SEMA6D: variants seen among roughly 807,000 people sequenced by gnomAD.
SEMA6D encodes semaphorin 6D.
SEMA6D carries 35 observed loss-of-function variants against 106.6 expected under a neutral mutation model. The observed-to-expected ratio is 0.33, with a 90% CI of 0.25 to 0.44. The LOEUF (loss-of-function observed/expected upper bound fraction) is 0.44, where lower values mean the gene tolerates loss of function less well. Among genes scored for constraint, SEMA6D ranks in the 20% least tolerant of loss-of-function variants. The pLI is 1.00. For synonymous variants in SEMA6D, 499 were observed against 487.7 expected, an observed-to-expected ratio of 1.02 and a Z score of -0.31; for missense variants, 1,185 against 1,345.9, an observed-to-expected ratio of 0.88 and a Z score of 1.87.
chr15:47,484,196 A>T (rs1193843338), intron 3 of SEMA6D, among the ~76,000 whole-genome samples: 1 of 152,158 alleles, frequency 6.6e-6, no homozygotes, highest in Non-Finnish European at 1.5e-5. Context: ...CTGTGGCAGC[A>T]GGAAGGGTAT....
intron 4 of SEMA6D, chr15:47,603,977 T>A (rs1270213085): frequency 6.6e-6 from 1 of 152,160 alleles, no homozygotes; most frequent in East Asian, 1.9e-4. Context: ...CCTCTTTTGT[T>A]TTCCTCCCAT....
At chr15:47,311,134 C>G (rs902177132) in intron 1 of SEMA6D, among the ~76,000 whole-genome samples, 2 of 152,152 alleles carry the variant, frequency 1.3e-5, no homozygotes, top group African/African-American at 4.8e-5. Flanking sequence ...CAGATCAACC[C>G]AAGGAGACTG....
At chr15:47,334,307 T>A (rs1404399085) in intron 1 of SEMA6D, among the ~76,000 whole-genome samples, 1 of 152,158 alleles carries the variant, frequency 6.6e-6, no homozygotes, top group South Asian at 2.1e-4. Flanking sequence ...CTGAGTTCTG[T>A]GAGCCACTCC....
At chr15:47,411,205 C>T (rs1012844231) in intron 1 of SEMA6D, among the ~76,000 whole-genome samples, 4 of 152,234 alleles carry the variant, frequency 2.6e-5, no homozygotes, top group East Asian at 1.9e-4. Flanking sequence ...AAGCGATTCT[C>T]TTGCCTCAGC....
chr15:47,293,764 T>C (rs1272788755), intron 1 of SEMA6D, among the ~76,000 whole-genome samples: 1 of 152,238 alleles, frequency 6.6e-6, no homozygotes, highest in African/African-American at 2.4e-5. Context: ...AGCACGTGTA[T>C]GTAGTTATTA....
At chr15:47,367,749 G>A (rs892096137) in intron 1 of SEMA6D, among the ~76,000 whole-genome samples, 1 of 151,436 alleles carries the variant, frequency 6.6e-6, no homozygotes, top group East Asian at 1.9e-4. Context: ...AAGAGAGAGA[G>A]AGTTTAATAC....
chr15:47,751,942 G>A (rs924579999), intron 1 of SEMA6D, among the ~76,000 whole-genome samples: 2 of 152,200 alleles, frequency 1.3e-5, no homozygotes, highest in Admixed American at 6.5e-5. Flanking sequence ...AGAGGGAAAG[G>A]AGGAGCGAGG....
chr15:47,431,602 T>A (rs971812837), intron 2 of SEMA6D, among the ~76,000 whole-genome samples: 1 of 152,124 alleles, frequency 6.6e-6, no homozygotes, highest in African/African-American at 2.4e-5. Flanking sequence ...CTGGCAGAAC[T>A]GCCACTATGG....
At chr15:47,185,713 CCG>C (rs1187001674) in intron 1 of SEMA6D, 2 of 152,124 alleles carry the variant, frequency 1.3e-5, no homozygotes, top group Non-Finnish European at 2.9e-5. Context: ...TCAGAGGGAG[CCG>C]GTTATCCTCA....
Position 47,766,612 on chromosome 15 carries a change from A to G in SEMA6D, c.1647-4A>G. The G allele has an allele frequency of 6.2e-7, 1 of 1,612,604 alleles. No individual in the cohort carries two copies. On this transcript the variant is annotated splice_polypyrimidine_tract_variant and splice_region_variant and intron_variant, in intron 15 of 18. Coordinates refer to ENST00000536845, the MANE Select transcript of SEMA6D (RefSeq NM_001358351.3). ...GAAGACTTCTTTGCTTTCCATAACC[A>G]CAGTGCTGAAGGATATGAACAAGAC... is the stretch of plus-strand genomic sequence containing the variant.
chr15:47,220,980 A>C (rs2031143794), intron 1 of SEMA6D, among the ~76,000 whole-genome samples: 2 of 152,244 alleles, frequency 1.3e-5, no homozygotes, highest in South Asian at 4.2e-4. Context: ...GTCTGGGAAA[A>C]CCTGCCCTAA....
chr15:47,199,577 T>G (rs902678478), intron 1 of SEMA6D, among the ~76,000 whole-genome samples: 2 of 152,132 alleles, frequency 1.3e-5, no homozygotes, highest in African/African-American at 4.8e-5. Context: ...TTTCTGCAAT[T>G]CCTTCCAAAA....
intron 4 of SEMA6D, among the ~76,000 whole-genome samples, chr15:47,620,818 T>C (rs560916260): frequency 6.6e-6 from 1 of 151,960 alleles, no homozygotes; most frequent in Non-Finnish European, 1.5e-5. Context: ...GCTACTCATC[T>C]CTCCAATGTG....
chr15:47,474,470 G>A (rs1352518735), intron 3 of SEMA6D, among the ~76,000 whole-genome samples: 3 of 152,136 alleles, frequency 2.0e-5, no homozygotes, highest in Non-Finnish European at 2.9e-5. Flanking sequence ...AGGGTATGTG[G>A]CATTAAGTCT....
At chr15:47,406,138 AT>A (rs924076091) in intron 1 of SEMA6D, among the ~76,000 whole-genome samples, 2 of 152,224 alleles carry the variant, frequency 1.3e-5, no homozygotes, top group African/African-American at 4.8e-5. Context: ...GAGTGTGCAA[AT>A]TATCTCTCAT....
chr15:47,591,367 A>G (rs576266027), intron 3 of SEMA6D, among the ~76,000 whole-genome samples: 2 of 152,244 alleles, frequency 1.3e-5, no homozygotes, highest in South Asian at 2.1e-4. Flanking sequence ...CAGTAGCACA[A>G]CTGAAGGCTC....
At chr15:47,327,884 C>T (rs372273968) in intron 1 of SEMA6D, among the ~76,000 whole-genome samples, 127 of 152,250 alleles carry the variant, frequency 8.3e-4, no homozygotes, top group African/African-American at 2.9e-3. Flanking sequence ...TACTAAATGC[C>T]AGGATCAAGG....
chr15:47,624,314 T>C (rs967605642), intron 4 of SEMA6D, among the ~76,000 whole-genome samples: 10 of 152,196 alleles, frequency 6.6e-5, no homozygotes, highest in African/African-American at 2.2e-4. Flanking sequence ...CTCACACTTA[T>C]TCTACTGCCT....
At chr15:47,578,000 A>C (rs542214606) in intron 3 of SEMA6D, among the ~76,000 whole-genome samples, 38 of 152,330 alleles carry the variant, frequency 2.5e-4, no homozygotes, top group Middle Eastern at 3.4e-3. Context: ...ACCTTTATAG[A>C]TAGTAACAGT....
Sources: allele counts gnomAD v4.1 joint callset (sites outside exome capture counted in the v4.1 genomes callset), GRCh38; gene constraint gnomAD v4.1.1; transcripts MANE v1.5; gene names NCBI Gene and HGNC (gene_info 2026-07-23, HGNC 2026-07-21).